Variants in CSNK1G2 observed in about 807,000 individuals in gnomAD.
The protein encoded by CSNK1G2 is casein kinase 1 gamma 2.
A neutral mutation model predicts 48.0 loss-of-function variants in CSNK1G2; 11 were observed. The observed-to-expected ratio is 0.23, with a 90% CI of 0.14 to 0.38. CSNK1G2 has a LOEUF of 0.38. Ranked by LOEUF, CSNK1G2 falls within the 10% of genes least tolerant of loss-of-function variation. The pLI, the probability that CSNK1G2 is intolerant of heterozygous loss-of-function variation, is 1.00. For missense variants in CSNK1G2, 446 were observed against 595.5 expected (o/e 0.75, Z 2.61); for synonymous variants, 337 against 254.1 (o/e 1.33, Z -3.10).
chr19:1,978,699 G>C lies in CSNK1G2; in HGVS notation c.396G>C (p.Leu132=). 4 of 1,605,420 alleles carry C rather than the reference G, an allele frequency of 2.5e-6. No individual in the cohort carries two copies. The African/African-American group carries it at 4.0e-5, about 16-fold the overall frequency. Reference sequence around the variant, plus strand: ...CCAGCCTGGAGGACCTGTTCGACCTGTGCGACCGGACCTTCACGCTCAAGA... The same window carrying C: ...CCAGCCTGGAGGACCTGTTCGACCTCTGCGACCGGACCTTCACGCTCAAGA... ...LGPSLEDLFD[L]CDRTFTLKTV... is the part of the protein sequence containing the mutation. The change falls in exon 5 of 12, where the codon CTG becomes CTC. Residue 132 remains leucine (L), a synonymous_variant. Coordinates refer to ENST00000255641, the MANE Select transcript of CSNK1G2 (RefSeq NM_001319.7). The surrounding 1 kb of genome is among the most constrained non-coding windows in gnomAD (Gnocchi z 7.3).
At chr19:1,979,271 C>T (rs1264656284) in intron 7 of CSNK1G2, 23 bp downstream of exon 7, 11 of 1,564,314 alleles carry the variant, frequency 7.0e-6, no homozygotes, top group Non-Finnish European at 8.7e-6. Context: ...GCCGGGCAGG[C>T]GGGCGGGGAC....
At chr19:1,948,328 C>T (rs192245008) in intron 1 of CSNK1G2, among the ~76,000 whole-genome samples, 2 of 152,070 alleles carry the variant, frequency 1.3e-5, no homozygotes, top group Admixed American at 1.3e-4. Flanking sequence ...TCGAGACCAT[C>T]CTGGCTAACA....
chr19:1,978,213 C>G lies in CSNK1G2; in HGVS notation c.188-92C>G. ...CATTTGGAGGGTGGTCCTTCAGGGA[C>G]CCCCTCCTGCCTCCTGCCTCGGGGG... On this transcript the variant is annotated intron_variant, in intron 2 of 11. Transcript: ENST00000255641. The surrounding 1 kb of genome is among the most constrained non-coding windows in gnomAD (Gnocchi z 7.3). 7.5e-7 allele frequency: 1 copy of G among 1,341,884 alleles called. No homozygotes were observed. The highest frequency in any genetic ancestry group is 1.2e-5 in the South Asian group (1 of 84,512). The allele number at this position is 1,341,884 out of a possible 1,614,324, so 83.1% of individuals were successfully genotyped here.
At chr19:1,961,874 G>A (rs995362238) in intron 1 of CSNK1G2, among the ~76,000 whole-genome samples, 1 of 152,164 alleles carries the variant, frequency 6.6e-6, no homozygotes, top group African/African-American at 2.4e-5. Context: ...GAGGGGCACC[G>A]ACTGCCATCC....
intron 1 of CSNK1G2, chr19:1,952,637 C>G (rs552417138): frequency 6.1e-6 from 1 of 162,790 alleles, no homozygotes; most frequent in African/African-American, 2.4e-5. Context: ...TAAAAAAACC[C>G]GATCCTTGAA....
chr19:1,976,394 G>GAT (rs1270333760), intron 2 of CSNK1G2, among the ~76,000 whole-genome samples: 1 of 152,214 alleles, frequency 6.6e-6, no homozygotes, highest in Admixed American at 6.5e-5. Context: ...GCACCCTCAA[G>GAT]ATGCCACGTT....
rs1599298219 is a variant in CSNK1G2 at position 1,957,182 on chromosome 19, A to G, written c.-265-12326A>G. On this transcript the variant is annotated intron_variant, in intron 1 of 11. Coordinates refer to ENST00000255641, the MANE Select transcript of CSNK1G2 (RefSeq NM_001319.7). The surrounding 1 kb of genome is among the most constrained non-coding windows in gnomAD (Gnocchi z 5.4). ...GAAAAGCAACCTGGACGCAGGCCCCACCTCCCTCCAGGCAGCCCCACAGGC... is the reference window on the plus strand; with the variant it reads ...GAAAAGCAACCTGGACGCAGGCCCCGCCTCCCTCCAGGCAGCCCCACAGGC... Among the ~76,000 whole-genome samples, 8 of 152,090 alleles carry G rather than the reference A, an allele frequency of 5.3e-5. No individual in the cohort carries two copies. The South Asian group carries it at 1.5e-3, about 28-fold the overall frequency.
intron 1 of CSNK1G2, among the ~76,000 whole-genome samples, chr19:1,964,162 G>A (rs2015289870): frequency 1.3e-5 from 2 of 152,106 alleles, no homozygotes; most frequent in South Asian, 4.2e-4. Flanking sequence ...GCATGGTGAT[G>A]TGTGCCTGTA....
At chr19:1,974,955 C>T (rs545109391) in intron 2 of CSNK1G2, among the ~76,000 whole-genome samples, 53 of 152,326 alleles carry the variant, frequency 3.5e-4, no homozygotes, top group Admixed American at 2.2e-3. Flanking sequence ...GGAGGAGGCC[C>T]CTTTGGCTTT....
At position 1,957,362 on chromosome 19, in the gene CSNK1G2, C is replaced by T. The variant is rs572833226; in HGVS notation, c.-265-12146C>T. On this transcript the variant is annotated intron_variant, in intron 1 of 11. Coordinates refer to ENST00000255641, the MANE Select transcript of CSNK1G2 (RefSeq NM_001319.7). The surrounding 1 kb of genome is among the most constrained non-coding windows in gnomAD (Gnocchi z 5.4). ...TGGGCACCACAGACGAAAGTGGAGC[C>T]GGGGGAGAGATGTCCCGGGATGCAC... Among the ~76,000 whole-genome samples, 2 of 152,160 alleles carry T rather than the reference C, an allele frequency of 1.3e-5. No individual in the cohort carries two copies. Among genetic ancestry groups the T allele is most frequent in the African/African-American group, 2.4e-5 (1 of 41,438 alleles).
At chr19:1,964,852 A>T (rs1803803700) in intron 1 of CSNK1G2, among the ~76,000 whole-genome samples, 1 of 151,178 alleles carries the variant, frequency 6.6e-6, no homozygotes, top group South Asian at 2.1e-4. Flanking sequence ...CAGCTTCCCG[A>T]GTAGCTGGGA....
At chr19:1,976,186 T>C in intron 2 of CSNK1G2, 2 of 1,045,600 alleles carry the variant, frequency 1.9e-6, no homozygotes, top group Non-Finnish European at 2.6e-6. Context: ...ACGAGGAGAA[T>C]TTCCTAATAA....
intron 1 of CSNK1G2, among the ~76,000 whole-genome samples, chr19:1,941,798 C>T (rs1568175849): frequency 6.7e-6 from 1 of 149,128 alleles, no homozygotes; most frequent in African/African-American, 2.5e-5. Flanking sequence ...CACTCTGCAC[C>T]CCGGTGACTG....
intron 1 of CSNK1G2, among the ~76,000 whole-genome samples, chr19:1,951,780 A>T (rs1455436114): frequency 6.8e-6 from 1 of 146,322 alleles, no homozygotes. Context: ...TCCCGGGTTC[A>T]CACCATTCTC....
intron 1 of CSNK1G2, among the ~76,000 whole-genome samples, chr19:1,949,394 C>T (rs962985621): frequency 7.2e-5 from 11 of 152,248 alleles, no homozygotes; most frequent in African/African-American, 2.7e-4. Flanking sequence ...GGTGGAATCA[C>T]ACGGGATGAG....
At position 1,980,590 on chromosome 19, in the gene CSNK1G2, T is replaced by A; in HGVS notation, c.*387T>A. 3.6e-6 allele frequency: 1 copy of A among 278,604 alleles called. No homozygotes were observed. 17.3% of individuals were successfully genotyped at this position (278,604 alleles called of 1,614,324 possible). A position where few individuals can be genotyped will look rare whatever the true frequency, so the allele number is the denominator to read the frequency against. On this transcript the variant is annotated 3_prime_UTR_variant, in exon 12 of 12. Coordinates refer to ENST00000255641, the MANE Select transcript of CSNK1G2 (RefSeq NM_001319.7). ...GCCCCGCCCCGCCAGCCGCCCCCGT[T>A]AGCGTCATAAAGTCCAGCTTGTCTC... is the stretch of plus-strand genomic sequence containing the variant.
At chr19:1,942,061 GGT>G (rs1482083247) in intron 1 of CSNK1G2, among the ~76,000 whole-genome samples, 6 of 152,140 alleles carry the variant, frequency 3.9e-5, no homozygotes, top group Non-Finnish European at 8.8e-5. Flanking sequence ...AGCAGGGGGT[GGT>G]GGGGGGGAGG....
intron 2 of CSNK1G2, among the ~76,000 whole-genome samples, chr19:1,971,401 G>T (rs879656298): frequency 1.3e-5 from 2 of 152,248 alleles, no homozygotes; most frequent in Non-Finnish European, 2.9e-5. Flanking sequence ...AGGAGGCCCG[G>T]GCTCCGTTTC....
intron 1 of CSNK1G2, among the ~76,000 whole-genome samples, chr19:1,948,556 A>T (rs1257303207): frequency 8.8e-6 from 1 of 113,956 alleles, no homozygotes; most frequent in Non-Finnish European, 2.0e-5. Context: ...AAAAAAAAAG[A>T]TCCCGTCACA....
Sources: allele counts gnomAD v4.1 joint callset (sites outside exome capture counted in the v4.1 genomes callset), GRCh38; gene constraint gnomAD v4.1.1; non-coding constraint Gnocchi (gnomAD v3.1); transcripts MANE v1.5; gene names NCBI Gene and HGNC (gene_info 2026-07-23, HGNC 2026-07-21).